Variants in RWDD3 observed in about 807,000 individuals in gnomAD.
RWDD3 encodes RWD domain containing 3.
RWDD3 carries 30 observed loss-of-function variants against 26.5 expected under a neutral mutation model. That is an observed-to-expected ratio of 1.13 (90% CI 0.85 to 1.54). The LOEUF (loss-of-function observed/expected upper bound fraction) is 1.54. Among genes scored for constraint, RWDD3 ranks in the 40% most tolerant of loss-of-function variants. The pLI is 0.00. For missense variants in RWDD3, 296 were observed against 309.1 expected, an observed-to-expected ratio of 0.96 and a Z score of 0.32; for synonymous variants, 113 against 114.5, an observed-to-expected ratio of 0.99 and a Z score of 0.09.
intron 1 of RWDD3, chr1:95,240,012 G>A (rs190281700): frequency 3.3e-5 from 34 of 1,043,054 alleles, no homozygotes; most frequent in Middle Eastern, 2.5e-4. Flanking sequence ...GCTTCAGTGC[G>A]GATACATTGC....
rs948818484 is a variant in RWDD3 at position 95,242,817 on chromosome 1, G to A, written c.86-1394G>A. Among the ~76,000 whole-genome samples the A allele has an allele frequency of 2.6e-5, 4 of 152,058 alleles. No homozygotes were observed. In the South Asian group the frequency reaches 8.3e-4, roughly 32 times the overall value. On this transcript the variant is annotated intron_variant, in intron 1 of 3. Transcript: ENST00000370202. Reference sequence around the variant, plus strand: ...GACTGTAATCCCAGCTACTCGGGAGGCTGAGGCAGGAGAATTGCTTGAACC... The same window carrying A: ...GACTGTAATCCCAGCTACTCGGGAGACTGAGGCAGGAGAATTGCTTGAACC...
intron 1 of RWDD3, among the ~76,000 whole-genome samples, chr1:95,238,455 G>T (rs1276105102): frequency 2.0e-5 from 3 of 148,144 alleles, no homozygotes; most frequent in Non-Finnish European, 3.0e-5. Flanking sequence ...TGAAACTTAT[G>T]TAAAAATCCA....
intron 1 of RWDD3, among the ~76,000 whole-genome samples, chr1:95,236,942 CTG>C (rs1408718126): frequency 6.6e-6 from 1 of 152,182 alleles, no homozygotes; most frequent in African/African-American, 2.4e-5. Flanking sequence ...CTTGAGAACA[CTG>C]TGAACCCTTT....
chr1:95,237,322 T>C (rs929028277), intron 1 of RWDD3: 3 of 152,200 alleles, frequency 2.0e-5, no homozygotes, highest in South Asian at 2.1e-4. Context: ...TAAACACTAG[T>C]TCTTTTCTGG....
At chr1:95,243,382 G>A (rs1222677615) in intron 1 of RWDD3, 1 of 152,062 alleles carries the variant, frequency 6.6e-6, no homozygotes, top group African/African-American at 2.4e-5. Flanking sequence ...CGTGCAGAGG[G>A]AAGTAGGGGT....
At chr1:95,239,799 A>G in intron 1 of RWDD3, 1 of 1,286,692 alleles carries the variant, frequency 7.8e-7, no homozygotes, top group Non-Finnish European at 1.0e-6. Flanking sequence ...ACACAGAGAA[A>G]AATGAAAATT....
At chr1:95,246,472 A>G in intron 2 of RWDD3, 70 bp from the exon 3 acceptor site, 1 of 833,738 alleles carries the variant, frequency 1.2e-6, no homozygotes, top group Non-Finnish European at 1.9e-6. Context: ...ACAGGTTTAT[A>G]GCTCCTTTAA....
At chr1:95,243,948 C>T (rs886577238) in intron 1 of RWDD3, among the ~76,000 whole-genome samples, 4 of 152,134 alleles carry the variant, frequency 2.6e-5, no homozygotes, top group Admixed American at 2.6e-4. Context: ...TTTCTGGTAA[C>T]TTAATAAAAA....
chr1:95,235,181 G>C (rs1366530146), intron 1 of RWDD3, among the ~76,000 whole-genome samples: 1 of 150,230 alleles, frequency 6.7e-6, no homozygotes, highest in Non-Finnish European at 1.5e-5. Flanking sequence ...CGAGTAGCTG[G>C]GACTACAGGC....
At chr1:95,240,049 C>T in intron 1 of RWDD3, 1 of 717,610 alleles carries the variant, frequency 1.4e-6, no homozygotes, top group Admixed American at 3.1e-5. Context: ...ATCTCTGTCT[C>T]CTCCTTATAG....
intron 1 of RWDD3, among the ~76,000 whole-genome samples, chr1:95,236,696 T>G (rs546422392): frequency 6.6e-6 from 1 of 152,338 alleles, no homozygotes; most frequent in South Asian, 2.1e-4. Flanking sequence ...CACTGTTCTC[T>G]TTATTGATAA....
chr1:95,245,125 A>G (rs981261087), intron 2 of RWDD3, among the ~76,000 whole-genome samples: 5 of 152,210 alleles, frequency 3.3e-5, no homozygotes, highest in South Asian at 2.1e-4. Context: ...TTAAAAATAC[A>G]TTCTGACACT....
intron 1 of RWDD3, among the ~76,000 whole-genome samples, chr1:95,236,825 G>T (rs1264047821): frequency 6.6e-6 from 1 of 152,126 alleles, no homozygotes; most frequent in Non-Finnish European, 1.5e-5. Flanking sequence ...ACACCTTAAA[G>T]AACTGGTAAT....
At chr1:95,238,839 C>G (rs192179641) in intron 1 of RWDD3, among the ~76,000 whole-genome samples, 34 of 152,082 alleles carry the variant, frequency 2.2e-4, no homozygotes, top group African/African-American at 8.2e-4. Flanking sequence ...ATTTGGAGTT[C>G]TAAAAGTTTA....
intron 1 of RWDD3, among the ~76,000 whole-genome samples, 159 bp downstream of exon 1, chr1:95,234,474 G>T (rs1014804140): frequency 1.9e-4 from 29 of 152,142 alleles, no homozygotes; most frequent in Non-Finnish European, 3.8e-4. Context: ...GGCCGGAGTG[G>T]TGTCGCAGCG....
intron 1 of RWDD3, among the ~76,000 whole-genome samples, chr1:95,240,772 A>G (rs1680583901): frequency 6.6e-6 from 1 of 151,966 alleles, no homozygotes; most frequent in South Asian, 2.1e-4. Context: ...GGCCTGAATT[A>G]GGAGGGTGGA....
In RWDD3 at chr1:95,244,333, A is replaced by G. The variant is rs1680755497; in HGVS notation, c.208A>G (p.Ile70Val). The change falls in exon 2 of 4, where the codon ATT (isoleucine) becomes GTT (valine). Residue 70 changes from isoleucine (I) to valine (V), a missense_variant. Ile to Val is a conservative substitution (Grantham distance 29). Transcript: ENST00000370202. The stretch of plus-strand genomic sequence containing the variant: ...TCCTTCATGTCTACCTGGTATCTCG[A>G]TTAACTCTGAACAGTTGACCAGGGC... ...NYPSCLPGIS[I>V]NSEQLTRAQC... is the part of the protein sequence containing the mutation. The G allele has an allele frequency of 6.2e-7, 1 of 1,614,138 alleles. No homozygotes were observed. The highest frequency in any genetic ancestry group is 1.3e-5 in the African/African-American group (1 of 75,034).
At chr1:95,246,732 A>C in intron 3 of RWDD3, 24 bp from the exon 4 acceptor site, 1 of 1,540,602 alleles carries the variant, frequency 6.5e-7, no homozygotes, top group Non-Finnish European at 8.8e-7. Context: ...AGGCATATTC[A>C]TGAGTTTCTT....
chr1:95,241,967 C>T (rs1261412850), intron 1 of RWDD3, among the ~76,000 whole-genome samples: 1 of 152,158 alleles, frequency 6.6e-6, no homozygotes, highest in African/African-American at 2.4e-5. Flanking sequence ...CCCACATTCC[C>T]TTGTTATTTG....
Sources: gnomAD v4.1 joint callset for allele counts (sites outside exome capture counted in the v4.1 genomes callset) on GRCh38, gnomAD v4.1.1 for gene constraint, MANE v1.5 for transcripts, NCBI Gene and HGNC (gene_info 2026-07-23, HGNC 2026-07-21) for gene names.